The following C1orf94 variants were observed in gnomAD, a reference collection of about 807,000 sequenced individuals.
C1orf94 encodes uncharacterized protein C1orf94.
C1orf94 carries 45 observed loss-of-function variants against 53.6 expected under a neutral mutation model. The ratio of observed to expected loss-of-function variants is 0.84; its 90% CI spans 0.66 to 1.08. The LOEUF is 1.08. Among genes scored for constraint, C1orf94 ranks in the 50% least tolerant of loss-of-function variants. The pLI, the probability that C1orf94 is intolerant of heterozygous loss-of-function variation, is 0.00. For synonymous variants in C1orf94, 304 were observed against 296.1 expected (o/e 1.03, Z -0.27); for missense variants, 762 against 738.9 (o/e 1.03, Z -0.36).
upstream of C1orf94, among the ~76,000 whole-genome samples, chr1:34,172,281 CT>C (rs1642156474): frequency 1.3e-5 from 2 of 152,158 alleles, no homozygotes; most frequent in Admixed American, 1.3e-4. Context: ...CATCTAGGAC[CT>C]TCCTTTTCCC....
At chr1:34,194,164 G>A (rs1437978554) in intron 1 of C1orf94, among the ~76,000 whole-genome samples, 1 of 152,198 alleles carries the variant, frequency 6.6e-6, no homozygotes, top group Non-Finnish European at 1.5e-5. Context: ...TGGGTGCATC[G>A]TAACTAAGAT....
rs145574381 is a variant in C1orf94, at chr1:34,202,201, A to G, written c.1388A>G (p.Asn463Ser). Residue 463 changes from asparagine to serine, a missense_variant, in exon 4 of 7, where the codon AAC (asparagine) becomes AGC (serine). Transcript: ENST00000488417. ...SATLNQPLWL[N>S]LNYPPPPVFT... Reference sequence around the variant, plus strand: ...ACCCTGAACCAGCCACTCTGGCTCAACCTGAACTATCCACCTCCACCAGTG... The same window carrying G: ...ACCCTGAACCAGCCACTCTGGCTCAGCCTGAACTATCCACCTCCACCAGTG... 286 of 1,614,236 alleles carry G rather than the reference A, an allele frequency of 1.8e-4. No individual in the cohort carries two copies. The African/African-American group carries it at 2.8e-3, about 16-fold the overall frequency.
intron 1 of C1orf94, among the ~76,000 whole-genome samples, chr1:34,180,526 C>T (rs545790346): frequency 6.6e-6 from 1 of 152,322 alleles, no homozygotes; most frequent in South Asian, 2.1e-4. Flanking sequence ...TTTCTTTGCC[C>T]AAGCTCCTAC....
At chr1:34,206,285 A>G (rs1468334600) in intron 4 of C1orf94, among the ~76,000 whole-genome samples, 1 of 152,222 alleles carries the variant, frequency 6.6e-6, no homozygotes, top group East Asian at 1.9e-4. Context: ...GGCATGGCCC[A>G]TGCTGGGCAT....
intron 1 of C1orf94, among the ~76,000 whole-genome samples, chr1:34,192,159 A>G (rs1209201464): frequency 6.6e-6 from 1 of 152,222 alleles, no homozygotes; most frequent in Non-Finnish European, 1.5e-5. Flanking sequence ...CAGGACTGGC[A>G]AAACTTGGGG....
At chr1:34,190,082 C>A (rs1642458479) in intron 1 of C1orf94, among the ~76,000 whole-genome samples, 1 of 152,210 alleles carries the variant, frequency 6.6e-6, no homozygotes, top group African/African-American at 2.4e-5. Context: ...CATCTTTTAA[C>A]CTTCCTGAGC....
chr1:34,200,743 G>T, intron 2 of C1orf94, 29 bp from the exon 3 acceptor site: 1 of 1,612,910 alleles, frequency 6.2e-7, no homozygotes, highest in Non-Finnish European at 8.5e-7. Flanking sequence ...CCTTCCAGAG[G>T]CATTGACTCA....
Position 34,169,612 on chromosome 1 carries a change from AGAGAGAGAGAGAGAGAGAGAGAGT to A in C1orf94, c.-251+2445_-251+2468del, listed in dbSNP as rs1238406959. On this transcript the variant is annotated intron_variant, in intron 1 of 6. Coordinates refer to the C1orf94 transcript ENST00000373374. ...TTCTGAAGCTGAGAGAGAGAGAGAGAGAGAGAGAGAGAGAGAGAGAGAGTGAGCAAATGGGAGATTCTAGCAATG... is the reference window on the plus strand; with the variant it reads ...TTCTGAAGCTGAGAGAGAGAGAGAGAGAGCAAATGGGAGATTCTAGCAATG... Among the ~76,000 whole-genome samples the A allele has an allele frequency of 6.8e-3, 756 of 110,660 alleles. 8 individuals carry two copies. Among genetic ancestry groups the A allele is most frequent in the African/African-American group, 0.022 (711 of 32,008 alleles). The allele number at this position is 110,660 out of a possible 152,430, so 72.6% of individuals were successfully genotyped here. A position where few individuals can be genotyped will look rare whatever the true frequency, so the allele number is the denominator to read the frequency against.
At chr1:34,182,465 G>A (rs1472885746) in intron 1 of C1orf94, among the ~76,000 whole-genome samples, 1 of 152,216 alleles carries the variant, frequency 6.6e-6, no homozygotes, top group Non-Finnish European at 1.5e-5. Context: ...TCCAGCTTCT[G>A]TGTGGAGATG....
At chr1:34,175,196 T>A (rs774262030), upstream of C1orf94, among the ~76,000 whole-genome samples, 14,691 of 149,984 alleles carry the variant, frequency 0.098, 1,094 homozygotes, top group African/African-American at 0.21. Context: ...TTTGATTTTT[T>A]TTTTTTTTTT....
At chr1:34,209,127 C>T (rs1557489312) in intron 5 of C1orf94, among the ~76,000 whole-genome samples, 1 of 152,122 alleles carries the variant, frequency 6.6e-6, no homozygotes, top group Non-Finnish European at 1.5e-5. Flanking sequence ...AATCTGGCAA[C>T]ACTACTTTCA....
At position 34,207,259 on chromosome 1, in the gene C1orf94, C is replaced by CGG. The variant is rs887713792; in HGVS notation, c.1447-895_1447-894dup. Among the ~76,000 whole-genome samples, 888 of 103,050 alleles carry CGG rather than the reference C, an allele frequency of 8.6e-3. 7 individuals carry two copies. Among genetic ancestry groups the CGG allele is most frequent in the African/African-American group, 0.035 (849 of 24,334 alleles). 67.6% of individuals were successfully genotyped at this position (103,050 alleles called of 152,430 possible). On this transcript the variant is annotated intron_variant, in intron 4 of 6. Coordinates refer to ENST00000488417, the MANE Select transcript of C1orf94 (RefSeq NM_001134734.2). ...GACCACTGCCACAGCAGCAGTTCTGCGGGGTGTGTGTGTGTGTGTGTGTGT... is the reference window on the plus strand; with the variant it reads ...GACCACTGCCACAGCAGCAGTTCTGCGGGGGGTGTGTGTGTGTGTGTGTGTGT...
intron 1 of C1orf94, among the ~76,000 whole-genome samples, chr1:34,187,529 A>G (rs1642401771): frequency 3.3e-5 from 5 of 151,834 alleles, no homozygotes; most frequent in African/African-American, 1.2e-4. Context: ...GTTTGGTTTA[A>G]TCCCCTTTTT....
intron 4 of C1orf94, among the ~76,000 whole-genome samples, chr1:34,207,274 TGTG>T (rs1642815533): frequency 1.4e-5 from 2 of 141,612 alleles, no homozygotes; most frequent in Non-Finnish European, 3.1e-5. Context: ...TGTGTGTGTG[TGTG>T]TGTGTGTGTG....
intron 1 of C1orf94, among the ~76,000 whole-genome samples, chr1:34,190,910 C>A (rs1642470933): frequency 6.6e-6 from 1 of 152,168 alleles, no homozygotes; most frequent in Non-Finnish European, 1.5e-5. Flanking sequence ...TACAGTTTGG[C>A]AATTTGGGTT....
intron 1 of C1orf94, among the ~76,000 whole-genome samples, chr1:34,187,587 TA>T (rs796478428): frequency 1.2e-3 from 178 of 142,836 alleles, no homozygotes; most frequent in Middle Eastern, 3.7e-3. Flanking sequence ...CAAGTCACAT[TA>T]AAAAAAAAAA....
At chr1:34,192,190 A>G (rs910843696) in intron 1 of C1orf94, among the ~76,000 whole-genome samples, 4 of 152,290 alleles carry the variant, frequency 2.6e-5, no homozygotes, top group Admixed American at 2.0e-4. Context: ...GATTACAGGA[A>G]ATGGGGGTGA....
At chr1:34,172,863 T>G (rs1474744764), upstream of C1orf94, among the ~76,000 whole-genome samples, 1 of 152,246 alleles carries the variant, frequency 6.6e-6, no homozygotes, top group Non-Finnish European at 1.5e-5. Context: ...TGATGGTTAA[T>G]TCCCCAAGAT....
intron 1 of C1orf94, among the ~76,000 whole-genome samples, chr1:34,167,969 C>A (rs1188329857): frequency 6.6e-6 from 1 of 152,140 alleles, no homozygotes; most frequent in South Asian, 2.1e-4. Flanking sequence ...TGAATATACA[C>A]CTAGTGCACA....
Sources: gnomAD v4.1 joint callset for allele counts (sites outside exome capture counted in the v4.1 genomes callset) on GRCh38, gnomAD v4.1.1 for gene constraint, MANE v1.5 for transcripts, NCBI Gene and HGNC (gene_info 2026-07-23, HGNC 2026-07-21) for gene names.